SLC35E4: variants seen among roughly 807,000 people sequenced by gnomAD.
SLC35E4 encodes solute carrier family 35, member E4.
In SLC35E4, 15 loss-of-function variants were observed where a neutral mutation model predicts 19.3. That is an observed-to-expected ratio of 0.78 (90% CI 0.52 to 1.20). The LOEUF (loss-of-function observed/expected upper bound fraction) is 1.20. SLC35E4 is among the 50% of genes most tolerant of loss of function. The pLI is 0.00. For missense variants in SLC35E4, 406 were observed against 472.3 expected (o/e 0.86, Z 1.30); for synonymous variants, 219 against 219.9 (o/e 1.00, Z 0.04).
downstream of SLC35E4, chr22:30,652,134 T>C (rs997633721): frequency 6.6e-6 from 1 of 152,136 alleles, no homozygotes; most frequent in Non-Finnish European, 1.5e-5. Context: ...ACTTGGTGGG[T>C]TGGGGGAAGC....
intron 1 of SLC35E4, among the ~76,000 whole-genome samples, chr22:30,645,152 A>T (rs1240854537): frequency 6.6e-6 from 1 of 152,114 alleles, no homozygotes; most frequent in Non-Finnish European, 1.5e-5. Flanking sequence ...TTTTAATGCA[A>T]AGGCCCCCAT....
At position 30,644,836 on chromosome 22, in the gene SLC35E4, G is replaced by T. The variant is rs947229473; in HGVS notation, c.620-1762G>T. The stretch of plus-strand genomic sequence containing the variant: ...CGCCTGGGCACCCCTTTGTGAATTG[G>T]CTGGTGGTGGCATGTGTACACGTAG... On this transcript the variant is annotated intron_variant, in intron 1 of 1. Coordinates refer to ENST00000343605, the MANE Select transcript of SLC35E4 (RefSeq NM_001001479.4). 1.5e-4 allele frequency among the ~76,000 whole-genome samples: 23 copies of T among 152,218 alleles called. 4 individuals are homozygous for T. The highest frequency in any genetic ancestry group is 1.4e-3 in the Admixed American group (21 of 15,284).
At chr22:30,668,269 C>G (rs1210658227), downstream of SLC35E4, 1 of 152,396 alleles carries the variant, frequency 6.6e-6, no homozygotes, top group African/African-American at 2.4e-5. Flanking sequence ...ATCTCCTTCC[C>G]GCGCCGCGGA....
intron 2 of SLC35E4, chr22:30,654,049 G>C (rs1365349940): frequency 6.3e-6 from 1 of 159,724 alleles, no homozygotes; most frequent in African/African-American, 2.5e-5. Flanking sequence ...GCGCGATCTC[G>C]GCTCACTGCA....
intron 1 of SLC35E4, among the ~76,000 whole-genome samples, chr22:30,640,548 ATTCTGC>A (rs2088020891): frequency 6.6e-6 from 1 of 152,120 alleles, no homozygotes; most frequent in African/African-American, 2.4e-5. Context: ...CCACTAGATC[ATTCTGC>A]CTGAGGGCGA....
chr22:30,654,029 G>A (rs1331235321), intron 2 of SLC35E4: 2 of 155,914 alleles, frequency 1.3e-5, no homozygotes, highest in African/African-American at 4.9e-5. Flanking sequence ...GCCCAGGCTG[G>A]AGTGCAGTGG....
At chr22:30,642,404 C>A (rs78624154) in intron 1 of SLC35E4, among the ~76,000 whole-genome samples, 3,229 of 152,212 alleles carry the variant, frequency 0.021, 129 homozygotes, top group African/African-American at 0.075. Context: ...GATGCCAGCT[C>A]CATTCCTGAG....
intron 2 of SLC35E4, among the ~76,000 whole-genome samples, chr22:30,656,439 G>A (rs901629753): frequency 2.0e-5 from 3 of 152,130 alleles, no homozygotes; most frequent in African/African-American, 7.2e-5. Flanking sequence ...TTATCTGACA[G>A]GGCATTATAA....
chr22:30,649,017 T>A (rs2088173845), downstream of SLC35E4: 1 of 599,476 alleles, frequency 1.7e-6, no homozygotes, highest in Admixed American at 2.9e-5. Context: ...AGCCTTTCCT[T>A]GGCTCTTGTA....
intron 2 of SLC35E4, chr22:30,654,672 C>T (rs2088297887): frequency 2.3e-6 from 1 of 433,092 alleles, no homozygotes. Flanking sequence ...GGTACTTCAA[C>T]TTCTTTCTAT....
chr22:30,659,519 G>A (rs922841341), intron 2 of SLC35E4, among the ~76,000 whole-genome samples: 6 of 152,026 alleles, frequency 3.9e-5, no homozygotes, highest in African/African-American at 9.6e-5. Context: ...GATTACAGGC[G>A]CCCGCCACCA....
At chr22:30,658,941 G>A (rs2088401217) in intron 2 of SLC35E4, among the ~76,000 whole-genome samples, 1 of 151,932 alleles carries the variant, frequency 6.6e-6, no homozygotes, top group South Asian at 2.1e-4. Flanking sequence ...TCAGGAGATC[G>A]AGACCATCCT....
intron 1 of SLC35E4, among the ~76,000 whole-genome samples, chr22:30,639,864 C>G (rs902110521): frequency 6.6e-6 from 1 of 152,116 alleles, no homozygotes; most frequent in Admixed American, 6.6e-5. Context: ...TCACAGGGTC[C>G]TGAGGCGACA....
downstream of SLC35E4, among the ~76,000 whole-genome samples, chr22:30,664,499 T>C (rs1251534215): frequency 6.6e-6 from 1 of 152,192 alleles, no homozygotes; most frequent in Non-Finnish European, 1.5e-5. Context: ...AATTCTCTCC[T>C]TCCTTCCAGC....
chr22:30,643,915 C>T (rs867563335), intron 1 of SLC35E4, among the ~76,000 whole-genome samples: 3 of 152,256 alleles, frequency 2.0e-5, no homozygotes, highest in South Asian at 4.1e-4. Context: ...AGCCAGTCAC[C>T]GCCTCTGACA....
intron 1 of SLC35E4, among the ~76,000 whole-genome samples, chr22:30,637,364 G>A (rs951616372): frequency 3.9e-5 from 6 of 152,134 alleles, no homozygotes; most frequent in Admixed American, 1.3e-4. Flanking sequence ...TACAGCCTCC[G>A]CATCCTGGGT....
At chr22:30,653,078 C>T (rs1004627134) in intron 2 of SLC35E4, among the ~76,000 whole-genome samples, 14 of 152,196 alleles carry the variant, frequency 9.2e-5, no homozygotes, top group African/African-American at 3.4e-4. Flanking sequence ...TGCATCCTCC[C>T]TAACCAAGTA....
intron 2 of SLC35E4, chr22:30,654,883 C>T (rs958297680): frequency 1.1e-5 from 2 of 175,100 alleles, no homozygotes; most frequent in Admixed American, 6.1e-5. Flanking sequence ...GGGGCCCCTT[C>T]ACCCCTGAGG....
chr22:30,651,367 A>ATTTTTTTT (rs35299835), downstream of SLC35E4, among the ~76,000 whole-genome samples: 7 of 77,022 alleles, frequency 9.1e-5, 1 homozygote, highest in African/African-American at 4.1e-4. Flanking sequence ...CACGTGGCTA[A>ATTTTTTTT]TTTTTGTGTG....
Sources: gnomAD v4.1 joint callset for allele counts (sites outside exome capture counted in the v4.1 genomes callset) on GRCh38, gnomAD v4.1.1 for gene constraint, MANE v1.5 for transcripts, NCBI Gene and HGNC (gene_info 2026-07-23, HGNC 2026-07-21) for gene names.